SLC26A5: variants seen among roughly 807,000 people sequenced by gnomAD.
The protein encoded by SLC26A5 is prestin.
In SLC26A5, 51 loss-of-function variants were observed where a neutral mutation model predicts 81.0. The observed-to-expected ratio is 0.63, with a 90% confidence interval of 0.50 to 0.80. The LOEUF (loss-of-function observed/expected upper bound fraction) is 0.80, where lower values mean the gene tolerates loss of function less well. SLC26A5 is among the 30% of genes least tolerant of loss of function. The pLI is 0.00. For missense variants in SLC26A5, 771 were observed against 905.8 expected, an observed-to-expected ratio of 0.85 and a Z score of 1.91; for synonymous variants, 325 against 332.8, an observed-to-expected ratio of 0.98 and a Z score of 0.25.
intron 2 of SLC26A5, chr7:103,433,703 C>CTTTTTT (rs1171517358): frequency 3.0e-5 from 4 of 131,466 alleles, no homozygotes; most frequent in African/African-American, 9.3e-5. Flanking sequence ...TTTTTTCTTT[C>CTTTTTT]TTTTTTTTTT....
At chr7:103,425,337 A>G (rs1368165518) in intron 2 of SLC26A5, among the ~76,000 whole-genome samples, 2 of 152,178 alleles carry the variant, frequency 1.3e-5, no homozygotes, top group African/African-American at 4.8e-5. Context: ...TTTATAAAAC[A>G]CTAATGCTTA....
At chr7:103,354,831 T>A in intron 19 of SLC26A5, 1 of 1,312,362 alleles carries the variant, frequency 7.6e-7, no homozygotes, top group Non-Finnish European at 1.1e-6. Context: ...ATGGTTGATA[T>A]CCTGATATTC....
At chr7:103,400,669 A>C (rs1263316437) in intron 8 of SLC26A5, among the ~76,000 whole-genome samples, 1 of 152,218 alleles carries the variant, frequency 6.6e-6, no homozygotes, top group Non-Finnish European at 1.5e-5. Context: ...GGTACTGCCT[A>C]GGTTTTCTTC....
chr7:103,380,737 C>A (rs540341800), intron 14 of SLC26A5, among the ~76,000 whole-genome samples, 188 bp from the exon 15 acceptor site: 1 of 151,852 alleles, frequency 6.6e-6, no homozygotes, highest in Non-Finnish European at 1.5e-5. Flanking sequence ...CCTAATACAC[C>A]CCACACACCT....
chr7:103,413,109 A>G lies in SLC26A5; in HGVS notation c.296T>C (p.Leu99Ser). ...STGVLQLPQG[L>S]AFAMLAAVPP... is the part of the protein sequence containing the mutation. ...CACAGCTGCCAGCATTGCAAAGGCT[A>G]AGCCTGTGGGATTAAAAACCAAACA... is the stretch of plus-strand genomic sequence containing the variant. The change falls in exon 5 of 20, where the codon TTA (leucine) becomes TCA (serine). Residue 99 changes from leucine to serine, a missense_variant. By Grantham distance (145) the Leu-to-Ser change is moderately radical. Transcript: ENST00000306312. 1 of 1,610,702 alleles carries G rather than the reference A, an allele frequency of 6.2e-7. No individual in the cohort carries two copies. Among genetic ancestry groups the G allele is most frequent in the Non-Finnish European group, 8.5e-7 (1 of 1,176,998 alleles).
chr7:103,377,429 G>C (rs1329525057), intron 18 of SLC26A5, among the ~76,000 whole-genome samples, 170 bp downstream of exon 18: 2 of 152,114 alleles, frequency 1.3e-5, no homozygotes, highest in African/African-American at 4.8e-5. Flanking sequence ...GATAGTTCAC[G>C]GGGGTTCAAT....
At chr7:103,434,294 T>G (rs1014534830) in intron 2 of SLC26A5, among the ~76,000 whole-genome samples, 1 of 152,220 alleles carries the variant, frequency 6.6e-6, no homozygotes, top group Non-Finnish European at 1.5e-5. Flanking sequence ...AAGCCATTGC[T>G]CTATTAAAAT....
At position 103,368,772 on chromosome 7, in the gene SLC26A5, A is replaced by C. The variant is rs529859632; in HGVS notation, c.2041+8036T>G. The C allele has an allele frequency of 2.0e-5, 3 of 152,344 alleles. No homozygotes were observed. The South Asian group carries it at 6.2e-4, about 32-fold the overall frequency. 9.4% of individuals were successfully genotyped at this position (152,344 alleles called of 1,614,324 possible). Reference sequence around the variant, plus strand: ...TAAAAAAAGAAAAAAAAATATTTGTACATATGATCTAATTTAGAAAGTCCA... The same window carrying C: ...TAAAAAAAGAAAAAAAAATATTTGTCCATATGATCTAATTTAGAAAGTCCA... On this transcript the variant is annotated intron_variant, in intron 19 of 19. Coordinates refer to the SLC26A5 transcript ENST00000339444.
At chr7:103,393,363 G>T (rs1822829367) in intron 9 of SLC26A5, among the ~76,000 whole-genome samples, 1 of 152,158 alleles carries the variant, frequency 6.6e-6, no homozygotes, top group African/African-American at 2.4e-5. Context: ...GATGGCAAGT[G>T]TAAGTAAGAC....
rs1191438954 is a variant in SLC26A5, at chr7:103,391,650, A to G, written c.1205T>C (p.Val402Ala). Residue 402 changes from valine (V) to alanine (A), a missense_variant, in exon 11 of 20, where the codon GTT (valine) becomes GCT (alanine). By Grantham distance (64) the Val-to-Ala change is moderately conservative (BLOSUM62 0). Coordinates refer to ENST00000306312, the MANE Select transcript of SLC26A5 (RefSeq NM_198999.3). ...TGTCTTCCCACCGGTTCCCTCCTGA[A>G]CAAGGCTTCGAGACAAGGAGCATGA... ...SISCSLSRSL[V>A]QEGTGGKTQL... The G allele has an allele frequency of 6.2e-7, 1 of 1,614,206 alleles. No homozygotes were observed.
chr7:103,377,937 T>C, intron 17 of SLC26A5, 138 bp from the exon 18 acceptor site: 1 of 796,118 alleles, frequency 1.3e-6, no homozygotes, highest in South Asian at 1.5e-5. Context: ...ATATTTGTCA[T>C]ATTCTAGCCT....
intron 2 of SLC26A5, among the ~76,000 whole-genome samples, chr7:103,423,586 A>G (rs1825514621): frequency 6.6e-6 from 1 of 152,154 alleles, no homozygotes; most frequent in African/African-American, 2.4e-5. Context: ...AAAAAGACTT[A>G]GCACAGGGAG....
chr7:103,376,735 C>A (rs1586204509), intron 19 of SLC26A5, 73 bp downstream of exon 19: 3 of 1,009,216 alleles, frequency 3.0e-6, no homozygotes, highest in African/African-American at 3.2e-5. Flanking sequence ...AGGACATTTC[C>A]AAGTGCAATT....
intron 11 of SLC26A5, 103 bp from the exon 12 acceptor site, chr7:103,390,609 G>T: frequency 1.1e-6 from 1 of 896,610 alleles, no homozygotes; most frequent in Admixed American, 1.8e-5. Context: ...GGAAGATCAA[G>T]AAAATATGGA....
intron 19 of SLC26A5, among the ~76,000 whole-genome samples, chr7:103,360,577 CCTTA>C (rs989554040): frequency 6.6e-6 from 1 of 152,154 alleles, no homozygotes; most frequent in Non-Finnish European, 1.5e-5. Flanking sequence ...GCATTCTGTA[CCTTA>C]CTTTTAGCTC....
intron 2 of SLC26A5, among the ~76,000 whole-genome samples, chr7:103,438,456 A>T (rs1207958576): frequency 6.6e-6 from 1 of 150,636 alleles, no homozygotes; most frequent in Non-Finnish European, 1.5e-5. Context: ...AGGTTCAAGC[A>T]ATTCTCCTCC....
At chr7:103,392,612 C>G (rs1365282846) in intron 10 of SLC26A5, among the ~76,000 whole-genome samples, 2 of 152,224 alleles carry the variant, frequency 1.3e-5, no homozygotes, top group African/African-American at 2.4e-5. Flanking sequence ...GAGTCTCGCT[C>G]TGTCGCCCAG....
chr7:103,375,859 G>A (rs1013011502), intron 19 of SLC26A5, among the ~76,000 whole-genome samples: 3 of 152,022 alleles, frequency 2.0e-5, no homozygotes, highest in East Asian at 1.9e-4. Flanking sequence ...GGGTTCAAGC[G>A]ATTCTCCTGC....
At chr7:103,392,703 G>A (rs1224308830) in intron 10 of SLC26A5, among the ~76,000 whole-genome samples, 2 of 152,030 alleles carry the variant, frequency 1.3e-5, no homozygotes, top group Non-Finnish European at 2.9e-5. Context: ...TCAGCCTCCC[G>A]AGTAGCTGGG....
Sources: allele counts gnomAD v4.1 joint callset (sites outside exome capture counted in the v4.1 genomes callset), GRCh38; gene constraint gnomAD v4.1.1; transcripts MANE v1.5; gene names NCBI Gene and HGNC (gene_info 2026-07-23, HGNC 2026-07-21).